SCLT1: variants seen among roughly 807,000 people sequenced by gnomAD.
SCLT1 encodes sodium channel-associated protein 1.
A neutral mutation model predicts 112.8 loss-of-function variants in SCLT1; 78 were observed. The ratio of observed to expected loss-of-function variants is 0.69; its 90% CI spans 0.58 to 0.83. The LOEUF (loss-of-function observed/expected upper bound fraction) is 0.83, where lower values mean the gene tolerates loss of function less well. SCLT1 is among the 40% of genes least tolerant of loss of function. SCLT1 has a pLI of 0.00. For synonymous variants in SCLT1, 257 were observed against 254.7 expected (o/e 1.01, Z -0.09); for missense variants, 747 against 770.4 (o/e 0.97, Z 0.36).
chr4:128,919,099 C>T (rs1322408776), intron 18 of SCLT1, among the ~76,000 whole-genome samples: 1 of 152,084 alleles, frequency 6.6e-6, no homozygotes, highest in Non-Finnish European at 1.5e-5. Flanking sequence ...TTATAGACCT[C>T]TCCACCCAAA....
intron 2 of SCLT1, among the ~76,000 whole-genome samples, chr4:129,081,215 G>A (rs954015378): frequency 6.6e-6 from 1 of 152,108 alleles, no homozygotes; most frequent in African/African-American, 2.4e-5. Context: ...AATGACTCAC[G>A]AGTTCTCCCT....
intron 2 of SCLT1, among the ~76,000 whole-genome samples, chr4:129,071,846 G>A (rs1034125946): frequency 1.3e-5 from 2 of 152,084 alleles, no homozygotes; most frequent in African/African-American, 4.8e-5. Flanking sequence ...CATGCTCTCT[G>A]TTGCCAGTGT....
intron 18 of SCLT1, among the ~76,000 whole-genome samples, chr4:128,919,883 G>A (rs185011767): frequency 1.2e-4 from 18 of 152,102 alleles, no homozygotes; most frequent in Non-Finnish European, 1.2e-4. Context: ...CCAATAGTGA[G>A]TTCAGAAACT....
intron 2 of SCLT1, among the ~76,000 whole-genome samples, chr4:129,057,188 T>C (rs916709447): frequency 2.0e-5 from 3 of 152,204 alleles, no homozygotes; most frequent in Non-Finnish European, 4.4e-5. Context: ...TCCCACTTGA[T>C]AATGGTAAAT....
At chr4:129,010,293 T>C (rs113831782) in intron 5 of SCLT1, among the ~76,000 whole-genome samples, 2,190 of 152,134 alleles carry the variant, frequency 0.014, 48 homozygotes, top group African/African-American at 0.044. Context: ...TTTGTACCAG[T>C]AGCATGCTGT....
intron 18 of SCLT1, among the ~76,000 whole-genome samples, chr4:128,928,105 T>TA (rs922569276): frequency 1.1e-4 from 16 of 151,932 alleles, no homozygotes; most frequent in African/African-American, 2.4e-4. Flanking sequence ...GACTCAACGA[T>TA]AAAAAAACAC....
rs1162359741 is a variant in SCLT1, at chr4:128,884,470, A to C, written c.*7T>G. Reference sequence around the variant, plus strand: ...TCTAAAGTTCTGTGAGTGAACTATGAATATTTTTAAATATTTTCCAGATTC... The same window carrying C: ...TCTAAAGTTCTGTGAGTGAACTATGCATATTTTTAAATATTTTCCAGATTC... On this transcript the variant is annotated 3_prime_UTR_variant, in exon 21 of 21. Coordinates refer to ENST00000281142, the MANE Select transcript of SCLT1 (RefSeq NM_144643.4). The C allele has an allele frequency of 1.9e-6, 3 of 1,560,052 alleles. No homozygotes were observed. Among genetic ancestry groups the C allele is most frequent in the African/African-American group, 2.7e-5 (2 of 73,856 alleles).
chr4:128,900,057 G>T (rs1454650665), intron 18 of SCLT1, among the ~76,000 whole-genome samples: 1 of 152,082 alleles, frequency 6.6e-6, no homozygotes. Flanking sequence ...CATTCCACAC[G>T]CATGGGTAGG....
chr4:128,878,548 G>A (rs1050720234), intron 3 of SCLT1, among the ~76,000 whole-genome samples: 1 of 152,140 alleles, frequency 6.6e-6, no homozygotes, highest in Non-Finnish European at 1.5e-5. Context: ...AAAAGCTTGT[G>A]ATGGTATCTT....
intron 17 of SCLT1, among the ~76,000 whole-genome samples, chr4:128,938,288 C>T (rs931376884): frequency 6.6e-6 from 1 of 152,152 alleles, no homozygotes; most frequent in Non-Finnish European, 1.5e-5. Context: ...CAAGGCCCAA[C>T]AACAACAAAA....
At chr4:129,038,277 A>G (rs1441230470) in intron 5 of SCLT1, among the ~76,000 whole-genome samples, 1 of 152,210 alleles carries the variant, frequency 6.6e-6, no homozygotes, top group African/African-American at 2.4e-5. Context: ...AAACTCATAA[A>G]TATCACTGGT....
chr4:128,897,874 T>C (rs959132304), intron 18 of SCLT1, among the ~76,000 whole-genome samples: 21 of 152,114 alleles, frequency 1.4e-4, no homozygotes, highest in Non-Finnish European at 3.1e-4. Flanking sequence ...GTTGCAATCC[T>C]AGTCTCTGAT....
At chr4:129,027,493 C>G (rs1481640787) in intron 5 of SCLT1, among the ~76,000 whole-genome samples, 1 of 152,164 alleles carries the variant, frequency 6.6e-6, no homozygotes, top group Non-Finnish European at 1.5e-5. Context: ...ATGCCAAAAA[C>G]TCTCAATAAA....
intron 13 of SCLT1, among the ~76,000 whole-genome samples, chr4:128,954,792 C>T (rs1739082717): frequency 6.6e-6 from 1 of 152,052 alleles, no homozygotes; most frequent in Admixed American, 6.6e-5. Context: ...TCACAAAAAT[C>T]CAATGAGGTT....
At chr4:129,008,478 G>C (rs1375761019) in intron 5 of SCLT1, among the ~76,000 whole-genome samples, 2 of 152,112 alleles carry the variant, frequency 1.3e-5, no homozygotes, top group Non-Finnish European at 2.9e-5. Flanking sequence ...GCATTATCAT[G>C]CTTGTGATGC....
At chr4:129,056,746 C>G (rs1749432935) in intron 2 of SCLT1, among the ~76,000 whole-genome samples, 1 of 152,170 alleles carries the variant, frequency 6.6e-6, no homozygotes. Flanking sequence ...GGAGGTTTTA[C>G]ATGTTCCTAT....
intron 2 of SCLT1, among the ~76,000 whole-genome samples, chr4:129,068,840 T>C (rs985000910): frequency 1.3e-5 from 2 of 152,232 alleles, no homozygotes; most frequent in East Asian, 3.8e-4. Flanking sequence ...GGTCATGAAA[T>C]TCTTGCCTAA....
chr4:129,061,764 C>G (rs771407830), intron 2 of SCLT1, among the ~76,000 whole-genome samples: 7 of 152,090 alleles, frequency 4.6e-5, no homozygotes, highest in African/African-American at 7.2e-5. Context: ...TGCTGAACCA[C>G]TGAGATGAGG....
At chr4:128,883,157 C>CAAAAAAAAAAAA (rs34993678), downstream of SCLT1, among the ~76,000 whole-genome samples, 163 of 57,492 alleles carry the variant, frequency 2.8e-3, no homozygotes, top group Non-Finnish European at 3.6e-3. Flanking sequence ...ACAACAACAA[C>CAAAAAAAAAAAA]AAAAAAAAAA....
Sources: gnomAD v4.1 joint callset for allele counts (sites outside exome capture counted in the v4.1 genomes callset) on GRCh38, gnomAD v4.1.1 for gene constraint, MANE v1.5 for transcripts, NCBI Gene and HGNC (gene_info 2026-07-23, HGNC 2026-07-21) for gene names.